Variants in CELF2 observed in about 807,000 individuals in gnomAD.
CELF2 encodes CUG triplet repeat RNA-binding protein 2.
Under a neutral mutation model 62.6 loss-of-function variants are expected in CELF2, and 8 were observed. That is an observed-to-expected ratio of 0.13 (90% CI 0.07 to 0.23). The LOEUF (loss-of-function observed/expected upper bound fraction) is 0.23, where lower values mean the gene tolerates loss of function less well. CELF2 is among the 10% of genes least tolerant of loss of function. The pLI is 1.00. For synonymous variants in CELF2, 258 were observed against 250.0 expected (o/e 1.03, Z -0.30); for missense variants, 333 against 671.0 (o/e 0.50, Z 5.56).
At chr10:10,718,718 T>A in the CELF2 span, among the ~76,000 whole-genome samples, 1 of 151,636 alleles carries the variant, frequency 6.6e-6, no homozygotes, top group Admixed American at 6.6e-5. Flanking sequence ...CCAGACACCA[T>A]GCTCTGTGCA....
At chr10:11,226,148 G>T (rs919080536) in intron 3 of CELF2, among the ~76,000 whole-genome samples, 1 of 152,182 alleles carries the variant, frequency 6.6e-6, no homozygotes, top group African/African-American at 2.4e-5. Flanking sequence ...CTCTTTATGG[G>T]TTGCCATGGG....
chr10:11,332,318 C>G lies in CELF2; in HGVS notation c.*3265C>G, dbSNP rs1004451874. On this transcript the variant is annotated 3_prime_UTR_variant, in exon 13 of 13. Coordinates refer to ENST00000633077, the MANE Select transcript of CELF2 (RefSeq NM_001326342.2). ...TTTTGTTTCTGTTTCCTAAATACTCCTAAATAATATTTCTAATCAGCCATT... is the reference window on the plus strand; with the variant it reads ...TTTTGTTTCTGTTTCCTAAATACTCGTAAATAATATTTCTAATCAGCCATT... 7 of 152,166 alleles carry G rather than the reference C, an allele frequency of 4.6e-5. No individual in the cohort carries two copies. Among genetic ancestry groups the G allele is most frequent in the African/African-American group, 1.7e-4 (7 of 41,412 alleles). 9.4% of individuals were successfully genotyped at this position (152,166 alleles called of 1,614,324 possible).
rs745509965 is a variant in CELF2 at position 10,947,412 on chromosome 10, C to T, written c.89+27413C>T. 6.5e-6 allele frequency: 1 copy of T among 152,766 alleles called. No homozygotes were observed. The highest frequency in any genetic ancestry group is 1.5e-5 in the Non-Finnish European group (1 of 68,030). The allele number at this position is 152,766 out of a possible 1,614,324, so 9.5% of individuals were successfully genotyped here. A position where few individuals can be genotyped will look rare whatever the true frequency, so the allele number is the denominator to read the frequency against. ...CACAAGAAATGAACAGCTCTTTTGC[C>T]TTACAAGGCATAGCCAGATTGCCAA... On this transcript the variant is annotated intron_variant, in intron 2 of 13. Transcript: ENST00000636488. The surrounding 1 kb of genome is among the most constrained non-coding windows in gnomAD (Gnocchi z 4.1).
the CELF2 span, among the ~76,000 whole-genome samples, chr10:10,767,697 G>C: frequency 1.3e-5 from 2 of 152,012 alleles, no homozygotes; most frequent in African/African-American, 4.8e-5. Context: ...GGAAGTAAGC[G>C]GTAAAAATAT....
chr10:10,661,879 G>A, the CELF2 span, among the ~76,000 whole-genome samples: 2 of 152,256 alleles, frequency 1.3e-5, no homozygotes, highest in South Asian at 2.1e-4. Context: ...CCCACAGAAA[G>A]TTCTAGAGCA....
At chr10:11,262,787 A>G (rs1267306643) in intron 5 of CELF2, among the ~76,000 whole-genome samples, 2 of 152,330 alleles carry the variant, frequency 1.3e-5, no homozygotes, top group Admixed American at 6.5e-5. Flanking sequence ...CTAGGAACTT[A>G]TAAACAAGTT....
chr10:10,924,724 C>CTTTT (rs745848953), intron 2 of CELF2, among the ~76,000 whole-genome samples: 11,821 of 88,442 alleles, frequency 0.13, 1,586 homozygotes, highest in East Asian at 0.18. Flanking sequence ...AACTTGATCG[C>CTTTT]TTTTTTTTTT....
At chr10:11,061,139 T>A (rs558726326) in intron 1 of CELF2, among the ~76,000 whole-genome samples, 1 of 152,318 alleles carries the variant, frequency 6.6e-6, no homozygotes, top group African/African-American at 2.4e-5. Flanking sequence ...TCTATCCAAG[T>A]GGTAAATGCA....
chr10:10,829,105 G>C (rs1465539139), intron 1 of CELF2, among the ~76,000 whole-genome samples: 1 of 152,204 alleles, frequency 6.6e-6, no homozygotes, highest in Non-Finnish European at 1.5e-5. Flanking sequence ...CCTGTGTTGA[G>C]GAATGGTTCA....
intron 1 of CELF2, among the ~76,000 whole-genome samples, chr10:10,812,860 G>A (rs2056066795): frequency 6.6e-6 from 1 of 152,144 alleles, no homozygotes; most frequent in African/African-American, 2.4e-5. Context: ...GTGTCCTCCT[G>A]TATCCCTTAT....
rs1413995569 is a variant in CELF2 at position 11,306,058 on chromosome 10, G to A, written c.977-8081G>A. 6.6e-6 allele frequency among the ~76,000 whole-genome samples: 1 copy of A among 152,176 alleles called. No individual in the cohort carries two copies. The highest frequency in any genetic ancestry group is 1.9e-4 in the East Asian group (1 of 5,190). ...TGGCCTGAACGTCCGTCGCCTGATT[G>A]ATAGGTTTTAACCAGTGGTACAACA... On this transcript the variant is annotated intron_variant, in intron 9 of 12. Transcript: ENST00000633077. The surrounding 1 kb of genome is among the most constrained non-coding windows in gnomAD (Gnocchi z 4.4).
rs990810603 is a variant in CELF2, at chr10:10,947,996, T to C, written c.89+27997T>C. Among the ~76,000 whole-genome samples, 8 of 152,202 alleles carry C rather than the reference T, an allele frequency of 5.3e-5. No homozygotes were observed. Among genetic ancestry groups the C allele is most frequent in the African/African-American group, 1.9e-4 (8 of 41,448 alleles). ...GGAATGAGAAAGCTGGATGTAGGTTTGGACACACTGTGTGGGTGCCCACTT... is the reference window on the plus strand; with the variant it reads ...GGAATGAGAAAGCTGGATGTAGGTTCGGACACACTGTGTGGGTGCCCACTT... On this transcript the variant is annotated intron_variant, in intron 2 of 13. Coordinates refer to the CELF2 transcript ENST00000636488. The surrounding 1 kb of genome is among the most constrained non-coding windows in gnomAD (Gnocchi z 4.1).
chr10:10,513,869 C>G, the CELF2 span, among the ~76,000 whole-genome samples: 1 of 152,154 alleles, frequency 6.6e-6, no homozygotes, highest in Non-Finnish European at 1.5e-5. Flanking sequence ...CTAAGCAAAG[C>G]CTAGGTTTCT....
At chr10:10,732,866 C>A in the CELF2 span, among the ~76,000 whole-genome samples, 1 of 152,104 alleles carries the variant, frequency 6.6e-6, no homozygotes, top group Non-Finnish European at 1.5e-5. Context: ...TGAACCTGTT[C>A]ACCAACACAC....
chr10:11,247,040 C>A lies in CELF2; in HGVS notation c.355-2113C>A, dbSNP rs2075805771. Among the ~76,000 whole-genome samples the A allele has an allele frequency of 6.6e-6, 1 of 152,226 alleles. No individual in the cohort carries two copies. Among genetic ancestry groups the A allele is most frequent in the Non-Finnish European group, 1.5e-5 (1 of 68,044 alleles). On this transcript the variant is annotated intron_variant, in intron 3 of 12. Coordinates refer to ENST00000633077, the MANE Select transcript of CELF2 (RefSeq NM_001326342.2). The surrounding 1 kb of genome is among the most constrained non-coding windows in gnomAD (Gnocchi z 5.4). ...TCCACCATCCCCACAACCAGCCAGT[C>A]GCCATGAAGTTCAGCCTCCACCAGT...
chr10:11,011,183 G>A lies in CELF2; in HGVS notation c.53+5743G>A, dbSNP rs1270947353. 1 of 151,990 alleles carries A rather than the reference G, an allele frequency of 6.6e-6. No individual in the cohort carries two copies. The highest frequency in any genetic ancestry group is 2.4e-5 in the African/African-American group (1 of 41,368). The allele number at this position is 151,990 out of a possible 1,614,324, so 9.4% of individuals were successfully genotyped here. On this transcript the variant is annotated intron_variant, in intron 1 of 12. Coordinates refer to the CELF2 transcript ENST00000416382. This position sits in a 1 kb window ranked among gnomAD's most constrained non-coding sequence, Gnocchi z 4.6. ...AATTTTAAAGCATTATGAAATTAAA[G>A]TATGAATTTTTATGCATCTCGGGGG...
chr10:10,760,873 T>C, the CELF2 span, among the ~76,000 whole-genome samples: 2 of 152,156 alleles, frequency 1.3e-5, no homozygotes, highest in Non-Finnish European at 2.9e-5. Flanking sequence ...AGGATAATGA[T>C]GCCAGCAAAG....
intron 2 of CELF2, among the ~76,000 whole-genome samples, chr10:10,961,472 C>T (rs908727047): frequency 7.9e-5 from 12 of 152,166 alleles, no homozygotes; most frequent in Admixed American, 6.5e-4. Flanking sequence ...AGGCCAGGTG[C>T]GGTGGCTTAC....
chr10:11,165,384 T>C lies in CELF2; in HGVS notation c.75-102T>C. On this transcript the variant is annotated intron_variant, in intron 1 of 12. Transcript: ENST00000633077. This position sits in a 1 kb window ranked among gnomAD's most constrained non-coding sequence, Gnocchi z 7.4. ...ATTAGGCACTTTGCCACTGCTCTTCTTCCTCCTCCTTCCGCCTCCCCGCTC... is the reference window on the plus strand; with the variant it reads ...ATTAGGCACTTTGCCACTGCTCTTCCTCCTCCTCCTTCCGCCTCCCCGCTC... 2.0e-6 allele frequency: 3 copies of C among 1,526,782 alleles called. No homozygotes were observed. Among genetic ancestry groups the C allele is most frequent in the Non-Finnish European group, 1.8e-6 (2 of 1,138,642 alleles). The allele number at this position is 1,526,782 out of a possible 1,614,324, so 94.6% of individuals were successfully genotyped here.
Sources: gnomAD v4.1 joint callset for allele counts (sites outside exome capture counted in the v4.1 genomes callset) on GRCh38, gnomAD v4.1.1 for gene constraint, Gnocchi (gnomAD v3.1) non-coding constraint, MANE v1.5 for transcripts, NCBI Gene and HGNC (gene_info 2026-07-23, HGNC 2026-07-21) for gene names.